Variants in NUDT19 observed in about 807,000 individuals in gnomAD.
NUDT19 encodes the protein nudix hydrolase 19, also known as acyl-coenzyme A diphosphatase NUDT19.
Under a neutral mutation model 22.2 loss-of-function variants are expected in NUDT19, and 31 were observed. That is an observed-to-expected ratio of 1.40 (90% CI 1.05 to 1.89). The LOEUF is 1.89. Ranked by LOEUF, NUDT19 falls within the 40% of genes most tolerant of loss-of-function variation. NUDT19 has a pLI of 0.00. For synonymous variants in NUDT19, 325 were observed against 230.8 expected (o/e 1.41, Z -3.70); for missense variants, 752 against 514.2 (o/e 1.46, Z -4.47).
intron 2 of NUDT19, among the ~76,000 whole-genome samples, chr19:32,710,245 C>A (rs989595435): frequency 2.3e-4 from 35 of 150,858 alleles, no homozygotes; most frequent in African/African-American, 7.5e-4. Flanking sequence ...AACTCCTGAC[C>A]TCAGGTGATC....
At chr19:32,711,348 A>T (rs935281005) in intron 2 of NUDT19, among the ~76,000 whole-genome samples, 2 of 152,098 alleles carry the variant, frequency 1.3e-5, no homozygotes, top group Non-Finnish European at 2.9e-5. Context: ...CTGTGATCCC[A>T]GTTACTCGGG....
At chr19:32,699,415 C>T (rs531467509) in intron 1 of NUDT19, among the ~76,000 whole-genome samples, 2 of 152,174 alleles carry the variant, frequency 1.3e-5, no homozygotes, top group Non-Finnish European at 2.9e-5. Flanking sequence ...GTTGTCGGGA[C>T]CCCGGAGCTG....
At position 32,694,759 on chromosome 19, in the gene NUDT19, T is replaced by C. The variant is rs185428281; in HGVS notation, c.714+2085T>C. On this transcript the variant is annotated intron_variant, in intron 1 of 2. Transcript: ENST00000397061. ...TTAATAAGACCTCGTTCAGTCCATA[T>C]TCACTTAAAATTGGTATAGATGGCT... Among the ~76,000 whole-genome samples, 23 of 152,356 alleles carry C rather than the reference T, an allele frequency of 1.5e-4. No homozygotes were observed. In the East Asian group the frequency reaches 4.2e-3, roughly 28 times the overall value.
rs552767772 is a variant in NUDT19 at position 32,693,636 on chromosome 19, C to T, written c.714+962C>T. 6.6e-5 allele frequency among the ~76,000 whole-genome samples: 10 copies of T among 151,646 alleles called. No homozygotes were observed. In the South Asian group the frequency reaches 1.7e-3, roughly 25 times the overall value. Reference sequence around the variant, plus strand: ...CTGATTGGTCCATTTTTACAGAGTGCGGATTGGTGCGTTTACAAATCTTTA... The same window carrying T: ...CTGATTGGTCCATTTTTACAGAGTGTGGATTGGTGCGTTTACAAATCTTTA... On this transcript the variant is annotated intron_variant, in intron 1 of 2. Coordinates refer to ENST00000397061, the MANE Select transcript of NUDT19 (RefSeq NM_001105570.2).
chr19:32,699,194 A>G (rs1302993661), intron 1 of NUDT19, among the ~76,000 whole-genome samples: 1 of 152,188 alleles, frequency 6.6e-6, no homozygotes, highest in East Asian at 1.9e-4. Context: ...TTTATCCTAG[A>G]AATCATTCTT....
In NUDT19 at chr19:32,712,313, G is replaced by A. The variant is rs1447280085; in HGVS notation, c.*356G>A. 1.2e-5 allele frequency: 2 copies of A among 161,924 alleles called. No homozygotes were observed. The highest frequency in any genetic ancestry group is 2.6e-5 in the Non-Finnish European group (2 of 75,986). The allele number at this position is 161,924 out of a possible 1,614,324, so 10.0% of individuals were successfully genotyped here. A position where few individuals can be genotyped will look rare whatever the true frequency, so the allele number is the denominator to read the frequency against. The stretch of plus-strand genomic sequence containing the variant: ...AGGATGGTCTCAATCTCTTGACCTC[G>A]TGATACGCCCGCCTTGGCCTCCCAA... On this transcript the variant is annotated 3_prime_UTR_variant, in exon 3 of 3. Transcript: ENST00000397061.
intron 1 of NUDT19, among the ~76,000 whole-genome samples, chr19:32,704,622 C>T (rs910127400): frequency 6.6e-6 from 1 of 152,152 alleles, no homozygotes; most frequent in African/African-American, 2.4e-5. Flanking sequence ...ATCTTTACAG[C>T]ATTGTTTTTA....
intron 1 of NUDT19, among the ~76,000 whole-genome samples, chr19:32,698,980 T>C (rs982825958): frequency 2.0e-5 from 3 of 152,206 alleles, no homozygotes; most frequent in African/African-American, 7.2e-5. Flanking sequence ...TGAAGCCTTT[T>C]ATCCCCAGTT....
At chr19:32,708,319 T>G (rs7259789) in intron 1 of NUDT19, among the ~76,000 whole-genome samples, 1 of 149,640 alleles carries the variant, frequency 6.7e-6, no homozygotes, top group African/African-American at 2.5e-5. Flanking sequence ...CCCAGTTACT[T>G]GGGAGGCTGA....
intron 1 of NUDT19, among the ~76,000 whole-genome samples, chr19:32,693,977 A>G (rs1466175507): frequency 6.6e-6 from 1 of 152,012 alleles, no homozygotes; most frequent in Non-Finnish European, 1.5e-5. Flanking sequence ...CCAGAGGGGA[A>G]CTCTCTAGGC....
chr19:32,699,042 G>A (rs766780035), intron 1 of NUDT19, among the ~76,000 whole-genome samples: 16 of 152,164 alleles, frequency 1.1e-4, no homozygotes, highest in African/African-American at 3.1e-4. Flanking sequence ...CTAGTTTCAG[G>A]AATAGCTTTT....
In NUDT19 at chr19:32,711,958, G is replaced by A. The variant is rs769519938; in HGVS notation, c.*1G>A. 2.5e-6 allele frequency: 4 copies of A among 1,605,682 alleles called. No homozygotes were observed. The South Asian group carries it at 4.4e-5, about 18-fold the overall frequency. On this transcript the variant is annotated 3_prime_UTR_variant, in exon 3 of 3. Coordinates refer to ENST00000397061, the MANE Select transcript of NUDT19 (RefSeq NM_001105570.2). ...TGTAGTAAGAAAAAGCCATTTGTAGGGTGCTTAAGCTTGTTTGTAAAATGG... is the reference window on the plus strand; with the variant it reads ...TGTAGTAAGAAAAAGCCATTTGTAGAGTGCTTAAGCTTGTTTGTAAAATGG...
At position 32,692,130 on chromosome 19, in the gene NUDT19, CG is replaced by C. The variant is rs1968190937; in HGVS notation, c.173del (p.Gly58AlafsTer65). The C allele has an allele frequency of 6.8e-7, 1 of 1,473,840 alleles. No homozygotes were observed. Among genetic ancestry groups the C allele is most frequent in the Non-Finnish European group, 8.9e-7 (1 of 1,121,596 alleles). The allele number at this position is 1,473,840 out of a possible 1,614,324, so 91.3% of individuals were successfully genotyped here. Reference sequence around the variant, plus strand: ...CGCTCCCCGCACCAAGGCTTCATGCCGGGCGCGCACGTCTTCTCCGGCGGAG... The same window carrying C: ...CGCTCCCCGCACCAAGGCTTCATGCCGGCGCGCACGTCTTCTCCGGCGGAG... ...LQRSPHQGFM[P>X]GAHVFSGGVL... On this transcript the variant is annotated frameshift_variant, in exon 1 of 3. Coordinates refer to ENST00000397061, the MANE Select transcript of NUDT19 (RefSeq NM_001105570.2). LOFTEE classifies it high-confidence loss of function.
intron 1 of NUDT19, among the ~76,000 whole-genome samples, chr19:32,699,035 G>C (rs1053736059): frequency 6.6e-6 from 1 of 152,204 alleles, no homozygotes; most frequent in Non-Finnish European, 1.5e-5. Flanking sequence ...CGATATCCTA[G>C]TTTCAGGAAT....
intron 1 of NUDT19, among the ~76,000 whole-genome samples, chr19:32,695,612 C>T (rs1292195641): frequency 6.6e-6 from 1 of 152,102 alleles, no homozygotes; most frequent in Non-Finnish European, 1.5e-5. Context: ...CTGGTCTTTC[C>T]CTGCCTCTGC....
intron 1 of NUDT19, among the ~76,000 whole-genome samples, chr19:32,703,648 C>CTTTTTTTTTTTTTTTTTTTTTTTT (rs60766132): frequency 1.5e-5 from 1 of 68,398 alleles, no homozygotes; most frequent in Non-Finnish European, 2.7e-5. Context: ...TGTGCCCAGC[C>CTTTTTTTTTTTTTTTTTTTTTTTT]TTTTTTTTTT....
At chr19:32,694,657 G>A (rs781755890) in intron 1 of NUDT19, among the ~76,000 whole-genome samples, 1 of 152,138 alleles carries the variant, frequency 6.6e-6, no homozygotes, top group Non-Finnish European at 1.5e-5. Context: ...AGGATAATAT[G>A]TGTTACACTG....
chr19:32,701,206 T>G (rs1325612423), intron 1 of NUDT19, among the ~76,000 whole-genome samples: 1 of 144,080 alleles, frequency 6.9e-6, no homozygotes, highest in South Asian at 2.3e-4. Context: ...CAGGTTTTTT[T>G]TTTTTTTTTT....
intron 1 of NUDT19, among the ~76,000 whole-genome samples, chr19:32,697,611 C>T (rs184058495): frequency 1.6e-4 from 25 of 152,276 alleles, no homozygotes; most frequent in East Asian, 3.9e-4. Context: ...TACTGACATA[C>T]GGCTTGCTGA....
Sources: gnomAD v4.1 joint callset for allele counts (sites outside exome capture counted in the v4.1 genomes callset) on GRCh38, gnomAD v4.1.1 for gene constraint, MANE v1.5 for transcripts, NCBI Gene and HGNC (gene_info 2026-07-23, HGNC 2026-07-21) for gene names.